MAGI1: variants seen among roughly 807,000 people sequenced by gnomAD.
MAGI1 encodes the protein membrane-associated guanylate kinase, WW and PDZ domain-containing protein 1.
A neutral mutation model predicts 139.9 loss-of-function variants in MAGI1; 58 were observed. The observed-to-expected ratio is 0.41, with a 90% CI of 0.34 to 0.52. The LOEUF is 0.52. MAGI1 is among the 20% of genes least tolerant of loss of function. MAGI1 has a pLI of 0.12. For synonymous variants in MAGI1, 812 were observed against 737.9 expected, an observed-to-expected ratio of 1.10 and a Z score of -1.63; for missense variants, 1,874 against 1,901.6, an observed-to-expected ratio of 0.99 and a Z score of 0.27.
intron 1 of MAGI1, among the ~76,000 whole-genome samples, chr3:65,658,999 C>T (rs573963872): frequency 6.6e-6 from 1 of 152,258 alleles, no homozygotes; most frequent in South Asian, 2.1e-4. Context: ...TTCTTGCCGG[C>T]TCCTCTTGTA....
chr3:65,452,961 G>C (rs1949128755), intron 6 of MAGI1: 1 of 285,020 alleles, frequency 3.5e-6, no homozygotes, highest in Admixed American at 4.5e-5. Flanking sequence ...AGACTTTCTA[G>C]AATTTACTCT....
intron 9 of MAGI1, among the ~76,000 whole-genome samples, chr3:65,438,960 C>T (rs1948042988): frequency 6.6e-6 from 1 of 152,096 alleles, no homozygotes; most frequent in Non-Finnish European, 1.5e-5. Context: ...GTTTGCCAAC[C>T]TGTAGTCTAT....
At chr3:65,399,514 G>T (rs1014183870) in intron 13 of MAGI1, among the ~76,000 whole-genome samples, 2 of 152,136 alleles carry the variant, frequency 1.3e-5, no homozygotes, top group African/African-American at 4.8e-5. Context: ...ACCCTGTCCT[G>T]GCACAGAAAT....
At position 65,893,937 on chromosome 3, in the gene MAGI1, G is replaced by A. The variant is rs184169673; in HGVS notation, c.313+144059C>T. The A allele has an allele frequency of 7.9e-5, 12 of 152,216 alleles. No homozygotes were observed. In the East Asian group the frequency reaches 2.3e-3, roughly 29 times the overall value. 9.4% of individuals were successfully genotyped at this position (152,216 alleles called of 1,614,324 possible). On this transcript the variant is annotated intron_variant, in intron 1 of 22. Coordinates refer to ENST00000402939, the MANE Select transcript of MAGI1 (RefSeq NM_001033057.2). ...CCTCAGGTGTGTTTCACCTCCCCTG[G>A]AACACTTGGATGTGGCCTCACCATT...
Position 65,763,240 on chromosome 3 carries a change from T to C in MAGI1, c.314-141152A>G, listed in dbSNP as rs186019390. Among the ~76,000 whole-genome samples the C allele has an allele frequency of 3.4e-3, 517 of 152,318 alleles. 1 individual carries two copies. The highest frequency in any genetic ancestry group is 0.011 in the African/African-American group (447 of 41,568). ...TTAAAATAATTCTTACCTTCCTTCA[T>C]TCTCCCTACATAATTCAGTTACTTT... On this transcript the variant is annotated intron_variant, in intron 1 of 22. Coordinates refer to ENST00000402939, the MANE Select transcript of MAGI1 (RefSeq NM_001033057.2).
At chr3:65,773,992 A>C (rs2038171710) in intron 1 of MAGI1, among the ~76,000 whole-genome samples, 1 of 152,178 alleles carries the variant, frequency 6.6e-6, no homozygotes. Flanking sequence ...ATTCCAAAGG[A>C]TAAACAGGTT....
intron 18 of MAGI1, among the ~76,000 whole-genome samples, chr3:65,373,520 C>T (rs1189915973): frequency 6.6e-6 from 1 of 152,210 alleles, no homozygotes; most frequent in Non-Finnish European, 1.5e-5. Context: ...AAAAATGACA[C>T]TGACAGACTT....
At chr3:65,695,877 T>C (rs2089138746) in intron 1 of MAGI1, among the ~76,000 whole-genome samples, 1 of 152,158 alleles carries the variant, frequency 6.6e-6, no homozygotes, top group South Asian at 2.1e-4. Context: ...GCCACCAATA[T>C]TTGTGCTTTA....
intron 1 of MAGI1, among the ~76,000 whole-genome samples, chr3:65,704,145 C>G (rs151134878): frequency 1.3e-5 from 2 of 152,308 alleles, no homozygotes; most frequent in Non-Finnish European, 2.9e-5. Context: ...AAAAGACCAT[C>G]CTACAACATC....
chr3:65,505,391 G>C (rs1394025649), intron 2 of MAGI1, among the ~76,000 whole-genome samples: 1 of 10,546 alleles, frequency 9.5e-5, no homozygotes, highest in Non-Finnish European at 1.9e-4. Context: ...TTCTTGCTTA[G>C]TTAAAAAAAA....
intron 1 of MAGI1, among the ~76,000 whole-genome samples, chr3:65,994,834 A>G (rs1319827368): frequency 6.6e-6 from 1 of 152,222 alleles, no homozygotes; most frequent in Admixed American, 6.5e-5. Flanking sequence ...GGTTTCACTG[A>G]GGCTATCTAG....
intron 1 of MAGI1, among the ~76,000 whole-genome samples, chr3:65,864,512 G>A (rs941452371): frequency 3.3e-5 from 5 of 152,342 alleles, no homozygotes; most frequent in African/African-American, 9.6e-5. Context: ...ACCCGTCAGC[G>A]AGACGGCAGA....
intron 1 of MAGI1, among the ~76,000 whole-genome samples, chr3:65,962,192 C>T (rs1160002993): frequency 6.7e-6 from 1 of 149,852 alleles, no homozygotes; most frequent in African/African-American, 2.5e-5. Flanking sequence ...GTGCGATCTC[C>T]GTTCACTGCA....
intron 1 of MAGI1, among the ~76,000 whole-genome samples, chr3:65,829,419 G>A (rs1277827915): frequency 2.6e-5 from 4 of 152,132 alleles, no homozygotes; most frequent in African/African-American, 7.2e-5. Flanking sequence ...CCGCTCTCAC[G>A]AATATGATTA....
At chr3:65,380,124 A>G (rs994626934) in intron 16 of MAGI1, among the ~76,000 whole-genome samples, 11 of 152,100 alleles carry the variant, frequency 7.2e-5, no homozygotes, top group Admixed American at 1.3e-4. Flanking sequence ...CTTAGCTTCC[A>G]GGTGTCAACA....
chr3:65,700,097 T>C (rs563531401), intron 1 of MAGI1, among the ~76,000 whole-genome samples: 6 of 152,124 alleles, frequency 3.9e-5, no homozygotes, highest in African/African-American at 1.4e-4. Context: ...CATTTTTGGT[T>C]TGTACATTAA....
intron 1 of MAGI1, among the ~76,000 whole-genome samples, chr3:65,851,681 A>G (rs1310204847): frequency 2.0e-5 from 3 of 152,082 alleles, no homozygotes; most frequent in African/African-American, 7.2e-5. Context: ...CCCAGGAGGT[A>G]GAGGCTGCAG....
At chr3:65,600,338 G>A (rs528332882) in intron 2 of MAGI1, among the ~76,000 whole-genome samples, 41 of 152,232 alleles carry the variant, frequency 2.7e-4, no homozygotes, top group East Asian at 1.7e-3. Flanking sequence ...AAAAATAGCC[G>A]TCATTTTGGT....
At chr3:65,630,718 T>G (rs1313022393) in intron 1 of MAGI1, among the ~76,000 whole-genome samples, 1 of 151,972 alleles carries the variant, frequency 6.6e-6, no homozygotes, top group Non-Finnish European at 1.5e-5. Context: ...GAGGGGAGAT[T>G]GAGAGGTGGG....
Sources: allele counts gnomAD v4.1 joint callset (sites outside exome capture counted in the v4.1 genomes callset), GRCh38; gene constraint gnomAD v4.1.1; transcripts MANE v1.5; gene names NCBI Gene and HGNC (gene_info 2026-07-23, HGNC 2026-07-21).